CNTN5: variants seen among roughly 807,000 people sequenced by gnomAD.
CNTN5 encodes the protein contactin-5.
Under a neutral mutation model 129.1 loss-of-function variants are expected in CNTN5, and 77 were observed. The ratio of observed to expected loss-of-function variants is 0.60; its 90% CI spans 0.50 to 0.72. The LOEUF is 0.72. Ranked by LOEUF, CNTN5 falls within the 30% of genes least tolerant of loss-of-function variation. CNTN5 has a pLI of 0.00. For synonymous variants in CNTN5, 509 were observed against 465.6 expected, an observed-to-expected ratio of 1.09 and a Z score of -1.20; for missense variants, 1,478 against 1,328.8, an observed-to-expected ratio of 1.11 and a Z score of -1.75.
At chr11:99,726,544 C>T (rs545406858) in intron 3 of CNTN5, among the ~76,000 whole-genome samples, 4 of 152,226 alleles carry the variant, frequency 2.6e-5, no homozygotes, top group East Asian at 1.9e-4. Flanking sequence ...TAATAATAAT[C>T]GCTGACACTT....
chr11:100,214,320 AG>A (rs1365240218), intron 15 of CNTN5, among the ~76,000 whole-genome samples: 1 of 152,136 alleles, frequency 6.6e-6, no homozygotes, highest in Non-Finnish European at 1.5e-5. Context: ...ATATCCCTGA[AG>A]GGTAGGGGCA....
At chr11:99,707,528 A>T (rs1054459366) in intron 3 of CNTN5, among the ~76,000 whole-genome samples, 9 of 151,696 alleles carry the variant, frequency 5.9e-5, no homozygotes, top group Middle Eastern at 3.2e-3. Context: ...ATAACAAACT[A>T]AAAATCAAAA....
intron 12 of CNTN5, among the ~76,000 whole-genome samples, chr11:100,072,940 C>G: frequency 8.6e-6 from 1 of 115,780 alleles, no homozygotes; most frequent in Admixed American, 1.0e-4. Context: ...CCTTATCATT[C>G]ACAAGAAATA....
intron 9 of CNTN5, among the ~76,000 whole-genome samples, chr11:100,016,495 G>A (rs769444870): frequency 3.3e-5 from 5 of 151,764 alleles, no homozygotes; most frequent in Admixed American, 1.3e-4. Context: ...CTCATTCTTC[G>A]TTGCCTTAGA....
chr11:99,574,040 T>A (rs1949265652), intron 3 of CNTN5, among the ~76,000 whole-genome samples: 1 of 152,148 alleles, frequency 6.6e-6, no homozygotes, highest in Admixed American at 6.6e-5. Flanking sequence ...TTTCTCCTAA[T>A]GCTATCACTC....
At chr11:99,052,913 A>C (rs919015153) in intron 1 of CNTN5, among the ~76,000 whole-genome samples, 1 of 151,872 alleles carries the variant, frequency 6.6e-6, no homozygotes, top group African/African-American at 2.4e-5. Flanking sequence ...ATGATATCTT[A>C]CATACCACAA....
At chr11:99,758,190 A>C (rs1944464591) in intron 3 of CNTN5, among the ~76,000 whole-genome samples, 1 of 152,196 alleles carries the variant, frequency 6.6e-6, no homozygotes, top group South Asian at 2.1e-4. Flanking sequence ...GTTGACCTTA[A>C]TGACAACATT....
intron 8 of CNTN5, among the ~76,000 whole-genome samples, chr11:99,958,485 A>C (rs541289800): frequency 4.6e-5 from 7 of 152,200 alleles, no homozygotes; most frequent in Non-Finnish European, 1.0e-4. Context: ...GTACATGGGA[A>C]ATCCATGTGA....
Position 99,368,425 on chromosome 11 carries a change from T to C in CNTN5, c.-71+42941T>C, listed in dbSNP as rs913097333. Reference sequence around the variant, plus strand: ...GAAAGGCTGAGGCAGGAGGATCACTTGAGCCCGGGAGTTTGAGACCAGCCT... The same window carrying C: ...GAAAGGCTGAGGCAGGAGGATCACTCGAGCCCGGGAGTTTGAGACCAGCCT... On this transcript the variant is annotated intron_variant, in intron 2 of 24. Transcript: ENST00000524871. 3.3e-5 allele frequency among the ~76,000 whole-genome samples: 5 copies of C among 152,032 alleles called. No homozygotes were observed. In the East Asian group the frequency reaches 5.8e-4, roughly 18 times the overall value.
rs186453554 is a variant in CNTN5 at position 99,939,116 on chromosome 11, A to G, written c.674-17690A>G. On this transcript the variant is annotated intron_variant, in intron 7 of 24. Transcript: ENST00000524871. ...AAAAAAAATTTAAAAAGATGAACTCATAAGTCAACAAAATACCTTAAAATG... is the reference window on the plus strand; with the variant it reads ...AAAAAAAATTTAAAAAGATGAACTCGTAAGTCAACAAAATACCTTAAAATG... 3.4e-3 allele frequency among the ~76,000 whole-genome samples: 521 copies of G among 152,226 alleles called. 8 individuals carry two copies. The highest frequency in any genetic ancestry group is 0.03 in the Admixed American group (451 of 15,278).
chr11:99,743,448 T>C (rs1467342290), intron 3 of CNTN5, among the ~76,000 whole-genome samples: 1 of 152,194 alleles, frequency 6.6e-6, no homozygotes, highest in Admixed American at 6.5e-5. Context: ...CTGAATTCAC[T>C]GTCCCATAAA....
chr11:99,950,662 C>T (rs1950653252), intron 7 of CNTN5, among the ~76,000 whole-genome samples: 1 of 152,150 alleles, frequency 6.6e-6, no homozygotes, highest in Admixed American at 6.5e-5. Flanking sequence ...TTATATTCTA[C>T]AAAATTGTGC....
chr11:99,710,455 G>A (rs1187971473), intron 3 of CNTN5, among the ~76,000 whole-genome samples: 1 of 151,770 alleles, frequency 6.6e-6, no homozygotes, highest in African/African-American at 2.4e-5. Context: ...TCCTGTTGTT[G>A]CATCTGAATC....
chr11:99,070,741 T>G (rs150536063), intron 1 of CNTN5, among the ~76,000 whole-genome samples: 572 of 151,868 alleles, frequency 3.8e-3, no homozygotes, highest in African/African-American at 0.013. Context: ...TTTTTTCAAA[T>G]CCACTCTAGT....
chr11:99,077,158 G>C (rs1205838531), intron 1 of CNTN5, among the ~76,000 whole-genome samples: 1 of 144,516 alleles, frequency 6.9e-6, no homozygotes, highest in Non-Finnish European at 1.5e-5. Flanking sequence ...ATTCAGATAT[G>C]TTGGAGAAGG....
chr11:99,512,392 T>G (rs565824229), intron 2 of CNTN5, among the ~76,000 whole-genome samples: 35 of 152,154 alleles, frequency 2.3e-4, no homozygotes, highest in Non-Finnish European at 4.6e-4. Context: ...TAAAGTATAT[T>G]TATGATGTTT....
chr11:99,487,049 A>C (rs1945846378), intron 2 of CNTN5, among the ~76,000 whole-genome samples: 2 of 152,308 alleles, frequency 1.3e-5, no homozygotes, highest in South Asian at 2.1e-4. Context: ...TGGCCATATT[A>C]GAGTAAAAGT....
chr11:99,526,581 A>G (rs1024914654), intron 2 of CNTN5, among the ~76,000 whole-genome samples: 1 of 152,194 alleles, frequency 6.6e-6, no homozygotes, highest in Non-Finnish European at 1.5e-5. Flanking sequence ...GCTGATCAAC[A>G]AGTGGGAATC....
chr11:99,703,180 TCCTG>T (rs1333239392), intron 3 of CNTN5, among the ~76,000 whole-genome samples: 2 of 133,290 alleles, frequency 1.5e-5, no homozygotes, highest in African/African-American at 5.2e-5. Flanking sequence ...AGTTTTAATT[TCCTG>T]AGTGTTTTTT....
Sources: allele counts gnomAD v4.1 joint callset (sites outside exome capture counted in the v4.1 genomes callset), GRCh38; gene constraint gnomAD v4.1.1; transcripts MANE v1.5; gene names NCBI Gene and HGNC (gene_info 2026-07-23, HGNC 2026-07-21).